Variants in RPS6KA2 observed in about 807,000 individuals in gnomAD.
RPS6KA2 encodes the protein ribosomal protein S6 kinase A2.
Under a neutral mutation model 91.8 loss-of-function variants are expected in RPS6KA2, and 42 were observed. That is an observed-to-expected ratio of 0.46 (90% CI 0.36 to 0.59). The LOEUF (loss-of-function observed/expected upper bound fraction) is 0.59, where lower values mean the gene tolerates loss of function less well. RPS6KA2 is among the 20% of genes least tolerant of loss of function. The probability of loss-of-function intolerance (pLI) is 0.00; values close to 1 mark genes in which losing one functional copy is unlikely to be tolerated. For synonymous variants in RPS6KA2, 414 were observed against 393.6 expected (o/e 1.05, Z -0.61); for missense variants, 798 against 978.5 (o/e 0.82, Z 2.46).
intron 2 of RPS6KA2, among the ~76,000 whole-genome samples, chr6:166,764,226 C>T (rs1424484216): frequency 6.6e-6 from 1 of 152,104 alleles, no homozygotes; most frequent in Non-Finnish European, 1.5e-5. Context: ...CCTGGGATCG[C>T]CCGGCACAGT....
At position 166,528,521 on chromosome 6, in the gene RPS6KA2, T is replaced by C. The variant is rs367877526; in HGVS notation, c.298+2711A>G. On this transcript the variant is annotated intron_variant, in intron 3 of 20. Transcript: ENST00000265678. The stretch of plus-strand genomic sequence containing the variant: ...GACATAGGCATGGGCAAGAACTTCA[T>C]GTCTAAAACACCAAAAGCAATGGCA... Among the ~76,000 whole-genome samples, 83 of 149,692 alleles carry C rather than the reference T, an allele frequency of 5.5e-4. 5 individuals are homozygous for C. In the East Asian group the frequency reaches 0.015, roughly 27 times the overall value.
At chr6:166,458,831 C>T (rs1780184154) in intron 12 of RPS6KA2, among the ~76,000 whole-genome samples, 1 of 152,160 alleles carries the variant, frequency 6.6e-6, no homozygotes, top group South Asian at 2.1e-4. Flanking sequence ...TATGATAGCC[C>T]TATCAGACCA....
intron 2 of RPS6KA2, among the ~76,000 whole-genome samples, chr6:166,843,002 G>C (rs2128630435): frequency 6.6e-6 from 1 of 152,316 alleles, no homozygotes; most frequent in South Asian, 2.1e-4. Flanking sequence ...TCTCAGCCCA[G>C]GTCACCGGCT....
intron 1 of RPS6KA2, among the ~76,000 whole-genome samples, chr6:166,574,009 C>G (rs999989852): frequency 6.6e-6 from 1 of 152,142 alleles, no homozygotes; most frequent in African/African-American, 2.4e-5. Context: ...TAAACCATCT[C>G]TACGCGGTCC....
intron 10 of RPS6KA2, among the ~76,000 whole-genome samples, chr6:166,476,624 G>C (rs1314730418): frequency 6.6e-6 from 1 of 152,142 alleles, no homozygotes; most frequent in Non-Finnish European, 1.5e-5. Flanking sequence ...GAAGAGGCAG[G>C]GGTGAGGAGG....
At chr6:166,691,974 G>C (rs1403210738) in intron 2 of RPS6KA2, among the ~76,000 whole-genome samples, 1 of 152,146 alleles carries the variant, frequency 6.6e-6, no homozygotes, top group Non-Finnish European at 1.5e-5. Context: ...TATTCCCCGT[G>C]TCCCAGGAGC....
intron 16 of RPS6KA2, among the ~76,000 whole-genome samples, chr6:166,424,631 C>T (rs1337103776): frequency 6.6e-6 from 1 of 152,190 alleles, no homozygotes; most frequent in Non-Finnish European, 1.5e-5. Context: ...GGCCAAGATA[C>T]TCAAACTCCT....
At chr6:166,488,508 G>A (rs1781486051) in intron 10 of RPS6KA2, among the ~76,000 whole-genome samples, 1 of 152,212 alleles carries the variant, frequency 6.6e-6, no homozygotes, top group Admixed American at 6.5e-5. Flanking sequence ...GCTTTTCAAC[G>A]GTTCTGTCCT....
intron 2 of RPS6KA2, among the ~76,000 whole-genome samples, chr6:166,688,262 G>A (rs1277722961): frequency 1.3e-5 from 2 of 152,120 alleles, no homozygotes; most frequent in South Asian, 2.1e-4. Flanking sequence ...ACTAAAGCTC[G>A]TGTGTGGTGG....
intron 10 of RPS6KA2, among the ~76,000 whole-genome samples, chr6:166,480,000 A>G (rs1167083426): frequency 6.6e-6 from 1 of 151,054 alleles, no homozygotes; most frequent in Non-Finnish European, 1.5e-5. Context: ...AATTCAGTTA[A>G]CCGTCCCTGG....
chr6:166,606,737 G>A lies in RPS6KA2; in HGVS notation c.99+20184C>T, dbSNP rs191755340. On this transcript the variant is annotated intron_variant, in intron 1 of 20. Transcript: ENST00000265678. ...ACAGCCAATAAAAACATGAGAAGAT[G>A]CTCTACATCATTTGTCATCAGAGGA... 2.6e-5 allele frequency among the ~76,000 whole-genome samples: 4 copies of A among 152,224 alleles called. No individual in the cohort carries two copies. In the East Asian group the frequency reaches 7.7e-4, roughly 29 times the overall value.
At position 166,409,722 on chromosome 6, in the gene RPS6KA2, G is replaced by T. The variant is rs1778240516; in HGVS notation, c.*3040C>A. On this transcript the variant is annotated 3_prime_UTR_variant, in exon 21 of 21. Transcript: ENST00000265678. ...TGCATGACGCTTAGAAAGGTAGGAG[G>T]CAGCAAAACGTGTCAGAAATGAACG... is the stretch of plus-strand genomic sequence containing the variant. 1 of 152,620 alleles carries T rather than the reference G, an allele frequency of 6.6e-6. No homozygotes were observed. The allele number at this position is 152,620 out of a possible 1,614,324, so 9.5% of individuals were successfully genotyped here.
In RPS6KA2 at chr6:166,535,654, C is replaced by A. The variant is rs1247066576; in HGVS notation, c.216+3014G>T. 3.9e-5 allele frequency among the ~76,000 whole-genome samples: 6 copies of A among 152,354 alleles called. No homozygotes were observed. In the East Asian group the frequency reaches 1.2e-3, roughly 29 times the overall value. On this transcript the variant is annotated intron_variant, in intron 2 of 20. Coordinates refer to ENST00000265678, the MANE Select transcript of RPS6KA2 (RefSeq NM_021135.6). The stretch of plus-strand genomic sequence containing the variant: ...TCCCAGCCCCGGGGTGGTTCCCACA[C>A]CTCCCTCCTCTAAGCTCGCAGGGAA...
intron 2 of RPS6KA2, among the ~76,000 whole-genome samples, chr6:166,787,288 A>G (rs1359854718): frequency 6.6e-6 from 1 of 152,214 alleles, no homozygotes; most frequent in Non-Finnish European, 1.5e-5. Flanking sequence ...ATTATGGTAC[A>G]GCTATATGAT....
At chr6:166,755,402 A>G (rs583759) in intron 2 of RPS6KA2, among the ~76,000 whole-genome samples, 37,758 of 151,982 alleles carry the variant, frequency 0.25, 7,774 homozygotes, top group African/African-American at 0.56. Context: ...TCTCCAGGAG[A>G]ACCAGCAGGA....
At chr6:166,600,308 G>T (rs977681884) in intron 1 of RPS6KA2, among the ~76,000 whole-genome samples, 4 of 152,234 alleles carry the variant, frequency 2.6e-5, no homozygotes, top group Non-Finnish European at 5.9e-5. Flanking sequence ...CCTGGCCAAG[G>T]TTACTGTTTG....
At chr6:166,800,709 G>C (rs373412914) in intron 2 of RPS6KA2, among the ~76,000 whole-genome samples, 4 of 152,142 alleles carry the variant, frequency 2.6e-5, no homozygotes, top group Non-Finnish European at 5.9e-5. Flanking sequence ...CTGGTCTAGG[G>C]TATTTTGTTA....
chr6:166,794,929 A>G (rs563601590), intron 2 of RPS6KA2, among the ~76,000 whole-genome samples: 41 of 152,182 alleles, frequency 2.7e-4, no homozygotes, highest in African/African-American at 9.6e-4. Flanking sequence ...AGCAACACCA[A>G]CATGGCACAT....
At chr6:166,633,776 A>G (rs1562355266) in intron 2 of RPS6KA2, among the ~76,000 whole-genome samples, 2 of 152,184 alleles carry the variant, frequency 1.3e-5, no homozygotes, top group Non-Finnish European at 2.9e-5. Context: ...GCATTTCATG[A>G]TCTCTTCCTC....
Sources: gnomAD v4.1 joint callset for allele counts (sites outside exome capture counted in the v4.1 genomes callset) on GRCh38, gnomAD v4.1.1 for gene constraint, MANE v1.5 for transcripts, NCBI Gene and HGNC (gene_info 2026-07-23, HGNC 2026-07-21) for gene names.